The following SIGLEC15 variants were observed in gnomAD, a reference collection of about 807,000 sequenced individuals.
SIGLEC15 encodes sialic acid binding Ig like lectin 15.
SIGLEC15 carries 31 observed loss-of-function variants against 26.2 expected under a neutral mutation model. That is an observed-to-expected ratio of 1.18 (90% CI 0.89 to 1.60). SIGLEC15 has a LOEUF of 1.60. Among genes scored for constraint, SIGLEC15 ranks in the 40% most tolerant of loss-of-function variants. The pLI, the probability that SIGLEC15 is intolerant of heterozygous loss-of-function variation, is 0.00. For missense variants in SIGLEC15, 501 were observed against 488.4 expected (o/e 1.03, Z -0.24); for synonymous variants, 207 against 221.9 (o/e 0.93, Z 0.60).
In SIGLEC15 at chr18:45,825,682, AG is replaced by A. The variant is rs780441124; in HGVS notation, c.-45del. On this transcript the variant is annotated 5_prime_UTR_variant, in exon 1 of 6. Transcript: ENST00000389474. ...ACGCCTGGGAGGGCCCTCACTGGGGAGGTGGCCGAGAGCGGGTCTGGCCTGG... is the reference window on the plus strand; with the variant it reads ...ACGCCTGGGAGGGCCCTCACTGGGGAGTGGCCGAGAGCGGGTCTGGCCTGG... The A allele has an allele frequency of 6.3e-7, 1 of 1,597,604 alleles. No homozygotes were observed. Among genetic ancestry groups the A allele is most frequent in the Non-Finnish European group, 8.6e-7 (1 of 1,166,448 alleles).
At chr18:45,835,523 A>G (rs929823188) in intron 1 of SIGLEC15, among the ~76,000 whole-genome samples, 1 of 152,228 alleles carries the variant, frequency 6.6e-6, no homozygotes, top group Non-Finnish European at 1.5e-5. Context: ...AAAAAATAAA[A>G]GGCCATGAAA....
intron 1 of SIGLEC15, among the ~76,000 whole-genome samples, chr18:45,836,428 G>T (rs115035977): frequency 0.039 from 5,983 of 152,084 alleles, 373 homozygotes; most frequent in African/African-American, 0.14. Flanking sequence ...GGCAGGCTTA[G>T]AAGCCTGCCC....
intron 1 of SIGLEC15, among the ~76,000 whole-genome samples, chr18:45,828,536 G>A (rs1309378106): frequency 2.0e-5 from 3 of 152,168 alleles, no homozygotes; most frequent in East Asian, 3.9e-4. Flanking sequence ...GCCTGTGATA[G>A]GCAGATATCA....
intron 1 of SIGLEC15, 33 bp downstream of exon 1, chr18:45,825,813 C>A: frequency 6.2e-7 from 1 of 1,613,010 alleles, no homozygotes; most frequent in East Asian, 2.2e-5. Flanking sequence ...GGCCCATGCT[C>A]GGGACAGAAT....
chr18:45,838,999 G>A lies in SIGLEC15; in HGVS notation c.778G>A (p.Gly260Arg), dbSNP rs1296551741. 2.5e-6 allele frequency: 4 copies of A among 1,596,270 alleles called. No individual in the cohort carries two copies. The highest frequency in any genetic ancestry group is 2.6e-6 in the Non-Finnish European group (3 of 1,176,342). Residue 260 changes from glycine (G) to arginine (R), a missense_variant, in exon 4 of 6, where the codon GGG becomes AGG. Physicochemically the swap from Gly to Arg is moderately radical, Grantham distance 125 (BLOSUM62 -2). Transcript: ENST00000389474. ...CCTGTTCCGCTTCCATGGCGCCAGC[G>A]GGGCCTCGACGGTCGCCCTCCTGCT... ...VYLFRFHGAS[G>R]ASTVALLLGA... is the part of the protein sequence containing the mutation.
intron 5 of SIGLEC15, among the ~76,000 whole-genome samples, chr18:45,841,706 G>A (rs1025473541): frequency 1.3e-5 from 2 of 152,182 alleles, no homozygotes; most frequent in African/African-American, 4.8e-5. Context: ...ATAAAGACAA[G>A]AGGAGAAGAG....
intron 4 of SIGLEC15, 112 bp downstream of exon 4, chr18:45,839,207 C>T: frequency 3.1e-6 from 4 of 1,290,582 alleles, no homozygotes; most frequent in Non-Finnish European, 3.9e-6. Context: ...GGTTTTTTTG[C>T]CCTATGCATC....
chr18:45,840,135 C>T (rs2048312660), intron 4 of SIGLEC15, 76 bp from the exon 5 acceptor site: 1 of 1,523,914 alleles, frequency 6.6e-7, no homozygotes. Flanking sequence ...TTCCACATGG[C>T]ATGGGTGGGG....
At chr18:45,838,036 C>A in intron 3 of SIGLEC15, 140 bp downstream of exon 3, 1 of 1,116,302 alleles carries the variant, frequency 9.0e-7, no homozygotes, top group Non-Finnish European at 1.2e-6. Flanking sequence ...CCCCAGGGAT[C>A]TCACACCTGG....
intron 1 of SIGLEC15, among the ~76,000 whole-genome samples, chr18:45,833,608 C>T (rs936665259): frequency 9.2e-5 from 14 of 152,240 alleles, no homozygotes; most frequent in East Asian, 1.9e-4. Flanking sequence ...CCACCACGCC[C>T]GGCCTCTTGT....
chr18:45,838,557 G>C, intron 3 of SIGLEC15, 161 bp from the exon 4 acceptor site: 1 of 902,354 alleles, frequency 1.1e-6, no homozygotes, highest in Non-Finnish European at 1.6e-6. Flanking sequence ...AGAGATGATA[G>C]AATCTTTCGC....
chr18:45,829,240 G>A, intron 1 of SIGLEC15: 1 of 814,084 alleles, frequency 1.2e-6, no homozygotes. Flanking sequence ...TGGGTTAAAG[G>A]GGAAGCCAGA....
chr18:45,828,968 C>T, intron 1 of SIGLEC15: 1 of 386,898 alleles, frequency 2.6e-6, no homozygotes, highest in Non-Finnish European at 3.5e-6. Flanking sequence ...ACTTCTCTCC[C>T]AGTGGCTGTT....
intron 3 of SIGLEC15, 103 bp from the exon 4 acceptor site, chr18:45,838,615 C>T (rs979147470): frequency 3.9e-5 from 54 of 1,398,958 alleles, no homozygotes; most frequent in Non-Finnish European, 5.0e-5. Context: ...CACCCAAGTG[C>T]CCATTCCTCC....
chr18:45,835,085 A>T (rs2048266587), intron 1 of SIGLEC15, among the ~76,000 whole-genome samples: 1 of 152,200 alleles, frequency 6.6e-6, no homozygotes. Flanking sequence ...CCAGAAAAAA[A>T]AAAGGAGATT....
At chr18:45,828,844 G>C (rs537044410) in intron 1 of SIGLEC15, among the ~76,000 whole-genome samples, 1 of 152,174 alleles carries the variant, frequency 6.6e-6, no homozygotes, top group Non-Finnish European at 1.5e-5. Context: ...AAATAGCAGC[G>C]GTCACCCAAA....
At chr18:45,840,270 C>A in intron 5 of SIGLEC15, 29 bp downstream of exon 5, 1 of 1,605,794 alleles carries the variant, frequency 6.2e-7, no homozygotes, top group Non-Finnish European at 8.5e-7. Flanking sequence ...TCCACCCTAC[C>A]CTACCCCACC....
rs1322411280 is a variant in SIGLEC15 at position 45,842,458 on chromosome 18, AGAGT to A, written c.*272_*275del. 2.2e-6 allele frequency: 1 copy of A among 464,260 alleles called. No individual in the cohort carries two copies. The highest frequency in any genetic ancestry group is 3.9e-6 in the Non-Finnish European group (1 of 255,258). 28.8% of individuals were successfully genotyped at this position (464,260 alleles called of 1,614,324 possible). ...GTGTGTGTGTGAGAGAGAGAGAGAG[AGAGT>A]ACACGCATTAGCTTGAGCGTGAAAC... is the stretch of plus-strand genomic sequence containing the variant. On this transcript the variant is annotated 3_prime_UTR_variant, in exon 6 of 6. Coordinates refer to ENST00000389474, the MANE Select transcript of SIGLEC15 (RefSeq NM_213602.3).
intron 1 of SIGLEC15, among the ~76,000 whole-genome samples, chr18:45,834,765 G>A (rs1357387172): frequency 6.6e-6 from 1 of 152,222 alleles, no homozygotes; most frequent in African/African-American, 2.4e-5. Context: ...CTGAATTGAT[G>A]AATGCACGAT....
Sources: allele counts gnomAD v4.1 joint callset (sites outside exome capture counted in the v4.1 genomes callset), GRCh38; gene constraint gnomAD v4.1.1; transcripts MANE v1.5; gene names NCBI Gene and HGNC (gene_info 2026-07-23, HGNC 2026-07-21).